Variants in RAI2 observed in about 807,000 individuals in gnomAD.
The protein encoded by RAI2 is retinoic acid induced 2.
A neutral mutation model predicts 15.3 loss-of-function variants in RAI2; 5 were observed. That is an observed-to-expected ratio of 0.33 (90% CI 0.17 to 0.69). RAI2 has a LOEUF of 0.69. Among genes scored for constraint, RAI2 ranks in the 30% least tolerant of loss-of-function variants. The probability of loss-of-function intolerance (pLI) is 0.69; values close to 1 mark genes in which losing one functional copy is unlikely to be tolerated. For missense variants in RAI2, 424 were observed against 424.7 expected (o/e 1.00, Z 0.01); for synonymous variants, 191 against 184.0 (o/e 1.04, Z -0.31).
Position 17,800,283 on chromosome X carries a change from A to C in RAI2, c.*135T>G. Reference sequence around the variant, plus strand: ...AATGATACTAGCATACAGGGCCTCTAGAGCCAATTCACCTTTCCATTTCCC... The same window carrying C: ...AATGATACTAGCATACAGGGCCTCTCGAGCCAATTCACCTTTCCATTTCCC... On this transcript the variant is annotated 3_prime_UTR_variant, in exon 2 of 2. Coordinates refer to ENST00000451717, the MANE Select transcript of RAI2 (RefSeq NM_021785.6). The C allele has an allele frequency of 4.4e-5, 39 of 892,899 alleles. No homozygotes were observed. Among genetic ancestry groups the C allele is most frequent in the Non-Finnish European group, 5.6e-5 (37 of 656,332 alleles). 73.6% of individuals were successfully genotyped at this position (892,899 alleles called of 1,213,427 possible). A position where few individuals can be genotyped will look rare whatever the true frequency, so the allele number is the denominator to read the frequency against.
At chrX:17,834,032 G>A (rs2067308912) in intron 1 of RAI2, among the ~76,000 whole-genome samples, 1 of 111,245 alleles carries the variant, frequency 9.0e-6, no homozygotes, top group Non-Finnish European at 1.9e-5. Flanking sequence ...TGTCAAATGA[G>A]GAAGCTGATT....
At chrX:17,859,135 G>A (rs917220271) in intron 1 of RAI2, among the ~76,000 whole-genome samples, 2 of 111,418 alleles carry the variant, frequency 1.8e-5, no homozygotes, top group African/African-American at 6.5e-5. Context: ...GGCTTCTCAT[G>A]TTCCCGTTTG....
chrX:17,851,480 T>C (rs1190956027), intron 1 of RAI2, among the ~76,000 whole-genome samples: 1 of 112,307 alleles, frequency 8.9e-6, no homozygotes, highest in Non-Finnish European at 1.9e-5. Flanking sequence ...TGTATGGTTT[T>C]CAAAGCTTTG....
In RAI2 at chrX:17,801,954, G is replaced by C. The variant is rs2066919147; in HGVS notation, c.57C>G (p.Ala19=). Residue 19 remains alanine (A), a synonymous_variant, in exon 2 of 2, where the codon GCC becomes GCG. Transcript: ENST00000451717. ...CATTCTCCAGTCTGTTATTAGCCAA[G>C]GCAGGAGGGGAGTCAGTCATGTCCA... ...LSMDMTDSPP[A]LANNRLENGM... 2.5e-6 allele frequency: 3 copies of C among 1,209,258 alleles called. No individual in the cohort carries two copies. The highest frequency in any genetic ancestry group is 1.8e-5 in the African/African-American group (1 of 57,081).
intron 1 of RAI2, among the ~76,000 whole-genome samples, chrX:17,841,514 G>A (rs912038434): frequency 8.9e-6 from 1 of 112,555 alleles, no homozygotes; most frequent in Non-Finnish European, 1.9e-5. Flanking sequence ...AGGTTCAGAA[G>A]GCTTACGATT....
At chrX:17,853,422 G>A (rs1322913902) in intron 1 of RAI2, among the ~76,000 whole-genome samples, 3 of 111,818 alleles carry the variant, frequency 2.7e-5, no homozygotes, top group African/African-American at 9.8e-5. Flanking sequence ...TTAAATTTTG[G>A]TCTAGACAAG....
At chrX:17,834,462 T>A (rs2067312867) in intron 1 of RAI2, among the ~76,000 whole-genome samples, 1 of 110,052 alleles carries the variant, frequency 9.1e-6, no homozygotes, top group Admixed American at 9.8e-5. Context: ...GCAAAAATGA[T>A]TCGTTTTTTT....
intron 1 of RAI2, among the ~76,000 whole-genome samples, chrX:17,832,773 T>C (rs1415925836): frequency 8.9e-6 from 1 of 111,819 alleles, no homozygotes; most frequent in Non-Finnish European, 1.9e-5. Context: ...CATATTAGGG[T>C]TAATGGAGGC....
intron 1 of RAI2, among the ~76,000 whole-genome samples, chrX:17,833,447 G>A (rs775025141): frequency 8.1e-5 from 9 of 111,598 alleles, no homozygotes; most frequent in Non-Finnish European, 1.5e-4. Context: ...ACTTGAACCC[G>A]GGAGGTGAAG....
intron 1 of RAI2, among the ~76,000 whole-genome samples, chrX:17,855,634 G>C (rs978919374): frequency 8.9e-6 from 1 of 111,760 alleles, no homozygotes; most frequent in Non-Finnish European, 1.9e-5. Flanking sequence ...ACCTGCCATC[G>C]AGATGGAGAG....
intron 1 of RAI2, among the ~76,000 whole-genome samples, chrX:17,828,931 GC>G (rs2067254341): frequency 9.0e-6 from 1 of 111,493 alleles, no homozygotes; most frequent in African/African-American, 3.3e-5. Context: ...ACTGCATGTG[GC>G]TTAGAGTAGA....
At chrX:17,855,645 C>T (rs779540127) in intron 1 of RAI2, among the ~76,000 whole-genome samples, 20 of 111,603 alleles carry the variant, frequency 1.8e-4, no homozygotes, top group Middle Eastern at 4.6e-3. Flanking sequence ...AGATGGAGAG[C>T]GTTTATGTCC....
rs191400062 is a variant in RAI2, at chrX:17,834,309, G to T, written c.-25+26789C>A. Among the ~76,000 whole-genome samples the T allele has an allele frequency of 2.4e-4, 27 of 111,136 alleles. No homozygotes were observed. In the East Asian group the frequency reaches 5.6e-3, roughly 23 times the overall value. On this transcript the variant is annotated intron_variant, in intron 1 of 1. Transcript: ENST00000451717. ...TGGATACTAGAACACCCACTGGCAG[G>T]GTAGCTCTGGGTGAGTATGAGACTT...
rs1233651305 is a variant in RAI2, at chrX:17,822,667, G to T, written c.-24-20633C>A. ...GTACTTTCAAAGACAGATGAATTCA[G>T]GCTGTTTCTGAATCATGGCTAGGCT... On this transcript the variant is annotated intron_variant, in intron 1 of 1. Transcript: ENST00000451717. 6.2e-5 allele frequency among the ~76,000 whole-genome samples: 7 copies of T among 112,343 alleles called. No homozygotes were observed. The Admixed American group carries it at 6.6e-4, about 11-fold the overall frequency.
intron 1 of RAI2, 91 bp downstream of exon 1, chrX:17,861,007 C>G (rs966869293): frequency 9.5e-6 from 1 of 105,311 alleles, no homozygotes; most frequent in Non-Finnish European, 2.0e-5. Flanking sequence ...CAGGCGCGCC[C>G]AGCCCGGCGC....
At chrX:17,851,888 G>A (rs1289599620) in intron 1 of RAI2, among the ~76,000 whole-genome samples, 3 of 112,218 alleles carry the variant, frequency 2.7e-5, no homozygotes, top group Admixed American at 1.9e-4. Flanking sequence ...CCCTATAGAA[G>A]GAAGACTGTT....
chrX:17,800,170 C>T lies in RAI2; in HGVS notation c.*248G>A, dbSNP rs1601894681. ...TACCCCTCTAATTCACCCAATATTCCATTAAAGCTGCAAAAAATGTGCAAT... is the reference window on the plus strand; with the variant it reads ...TACCCCTCTAATTCACCCAATATTCTATTAAAGCTGCAAAAAATGTGCAAT... On this transcript the variant is annotated 3_prime_UTR_variant, in exon 2 of 2. Coordinates refer to ENST00000451717, the MANE Select transcript of RAI2 (RefSeq NM_021785.6). 1 of 348,517 alleles carries T rather than the reference C, an allele frequency of 2.9e-6. No individual in the cohort carries two copies. Among genetic ancestry groups the T allele is most frequent in the Admixed American group, 5.4e-5 (1 of 18,567 alleles). 28.7% of individuals were successfully genotyped at this position (348,517 alleles called of 1,213,427 possible).
chrX:17,852,783 T>C (rs1490614515), intron 1 of RAI2, among the ~76,000 whole-genome samples: 1 of 111,696 alleles, frequency 9.0e-6, no homozygotes, highest in East Asian at 2.8e-4. Flanking sequence ...AGGAAACAAA[T>C]GTGTGTAAAA....
At chrX:17,813,344 A>G (rs1466837823) in intron 1 of RAI2, among the ~76,000 whole-genome samples, 2 of 112,088 alleles carry the variant, frequency 1.8e-5, no homozygotes, top group Non-Finnish European at 3.8e-5. Context: ...CTCATTCTCA[A>G]TGAGGTGCAT....
Sources: allele counts gnomAD v4.1 joint callset (sites outside exome capture counted in the v4.1 genomes callset), GRCh38; gene constraint gnomAD v4.1.1; transcripts MANE v1.5; gene names NCBI Gene and HGNC (gene_info 2026-07-23, HGNC 2026-07-21).